The following TGM5 variants were observed in gnomAD, a reference collection of about 807,000 sequenced individuals.
TGM5 encodes the protein protein-glutamine gamma-glutamyltransferase 5.
In TGM5, 69 loss-of-function variants were observed where a neutral mutation model predicts 77.2. The observed-to-expected ratio is 0.89, with a 90% CI of 0.74 to 1.09. The LOEUF (loss-of-function observed/expected upper bound fraction) is 1.09, where lower values mean the gene tolerates loss of function less well. Among genes scored for constraint, TGM5 ranks in the 50% least tolerant of loss-of-function variants. The probability of loss-of-function intolerance (pLI) is 0.00; values close to 1 mark genes in which losing one functional copy is unlikely to be tolerated. For synonymous variants in TGM5, 346 were observed against 351.8 expected (o/e 0.98, Z 0.18); for missense variants, 842 against 896.5 (o/e 0.94, Z 0.78).
chr15:43,252,937 C>G lies in TGM5; in HGVS notation c.685-1G>C. 1.9e-6 allele frequency: 3 copies of G among 1,612,860 alleles called. No homozygotes were observed. Among genetic ancestry groups the G allele is most frequent in the Non-Finnish European group, 2.5e-6 (3 of 1,179,996 alleles). ...CCCCATTATCATCATTGCTGTTGAT[C>G]TGAAGAGAAGCCATATAGAGAAGTG... On this transcript the variant is annotated splice_acceptor_variant, in intron 5 of 12. Coordinates refer to ENST00000220420, the MANE Select transcript of TGM5 (RefSeq NM_201631.4). LOFTEE classifies it high-confidence loss of function.
intron 6 of TGM5, among the ~76,000 whole-genome samples, chr15:43,249,863 T>C (rs550124924): frequency 2.6e-5 from 4 of 152,328 alleles, no homozygotes; most frequent in South Asian, 4.1e-4. Flanking sequence ...TTGAAGTCAA[T>C]GTGTCAACGT....
intron 3 of TGM5, 130 bp downstream of exon 3, chr15:43,259,922 G>A (rs1000685347): frequency 1.9e-5 from 25 of 1,294,916 alleles, no homozygotes; most frequent in South Asian, 8.5e-5. Context: ...TAGTTGGGGC[G>A]GATGCTGAGT....
In TGM5 at chr15:43,233,221, G is replaced by A; in HGVS notation, c.2133C>T (p.Tyr711=). The change falls in exon 13 of 13, where the codon TAC becomes TAT. Residue 711 remains tyrosine, a synonymous_variant. Transcript: ENST00000220420. ...RSNKFKDIKG[Y]RNVYVDFAL is the part of the protein sequence containing the mutation. ...ATGCAAAGTCTACATAAACATTCCTGTAACCCTTAATGTCCTTAAACTTGT... is the reference window on the plus strand; with the variant it reads ...ATGCAAAGTCTACATAAACATTCCTATAACCCTTAATGTCCTTAAACTTGT... 6.2e-7 allele frequency: 1 copy of A among 1,614,180 alleles called. No homozygotes were observed. The highest frequency in any genetic ancestry group is 8.5e-7 in the Non-Finnish European group (1 of 1,180,036).
intron 10 of TGM5, 69 bp from the exon 11 acceptor site, chr15:43,234,998 GTC>G: frequency 1.3e-6 from 2 of 1,575,060 alleles, no homozygotes; most frequent in Non-Finnish European, 1.7e-6. Flanking sequence ...TTGGACCTGG[GTC>G]TCTCTTCCAC....
Position 43,252,804 on chromosome 15 carries a change from C to T in TGM5, c.817G>A (p.Val273Met), listed in dbSNP as rs141299025. ...AAGACCCAGCATTGCCCGTAGCGCA[C>T]GGGCTGGCAGCCTGTGGCGTTCCAC... ...KQWNATGCQPVRYGQCWVFAA... is the reference protein window; with the variant it reads ...KQWNATGCQPMRYGQCWVFAA... The change falls in exon 6 of 13, where the codon GTG (valine) becomes ATG (methionine). Residue 273 changes from valine (V) to methionine (M), a missense_variant. This residue lies in a region of TGM5 where 815 missense variants were observed against 844.6 expected (regional missense o/e 0.96). Coordinates refer to ENST00000220420, the MANE Select transcript of TGM5 (RefSeq NM_201631.4). The T allele has an allele frequency of 1.2e-4, 200 of 1,613,934 alleles. No homozygotes were observed. The highest frequency in any genetic ancestry group is 2.7e-4 in the Admixed American group (16 of 60,010).
intron 6 of TGM5, among the ~76,000 whole-genome samples, chr15:43,251,504 C>A (rs1315819588): frequency 6.6e-6 from 1 of 152,230 alleles, no homozygotes; most frequent in Non-Finnish European, 1.5e-5. Context: ...CAATAAACAC[C>A]AAGCTATGGG....
chr15:43,242,268 G>T (rs866447948), intron 6 of TGM5, among the ~76,000 whole-genome samples: 1 of 152,164 alleles, frequency 6.6e-6, no homozygotes, highest in East Asian at 1.9e-4. Flanking sequence ...TCCAGCTTTT[G>T]GTAGTATGCA....
chr15:43,265,707 G>A (rs1343705818), intron 1 of TGM5, among the ~76,000 whole-genome samples: 1 of 152,224 alleles, frequency 6.6e-6, no homozygotes, highest in Admixed American at 6.5e-5. Flanking sequence ...TTATCCTAGA[G>A]AGACACTCCC....
In TGM5 at chr15:43,235,657, AG is replaced by A; in HGVS notation, c.1525del (p.Leu509Ter). The A allele has an allele frequency of 6.2e-7, 1 of 1,614,196 alleles. No individual in the cohort carries two copies. Among genetic ancestry groups the A allele is most frequent in the Non-Finnish European group, 8.5e-7 (1 of 1,180,040 alleles). ...GGGCGGGTCGAGCAGCTTGAATTTC[AG>A]GGAGACTTGCACCACATCACTGGGT... The part of the protein sequence containing the change: ...LRPSDVVQVS[L>X]KFKLLDPPNM... On this transcript the variant is annotated frameshift_variant, in exon 10 of 13. Coordinates refer to ENST00000220420, the MANE Select transcript of TGM5 (RefSeq NM_201631.4). LOFTEE classifies it high-confidence loss of function.
Position 43,252,893 on chromosome 15 carries a change from C to T in TGM5, c.728G>A (p.Ser243Asn). The T allele has an allele frequency of 6.2e-7, 1 of 1,613,888 alleles. No homozygotes were observed. The highest frequency in any genetic ancestry group is 8.5e-7 in the Non-Finnish European group (1 of 1,180,038). The change falls in exon 6 of 13, where the codon AGT becomes AAT. Residue 243 changes from serine to asparagine, a missense_variant. This residue lies in a region of TGM5 where 815 missense variants were observed against 844.6 expected (regional missense o/e 0.96). Transcript: ENST00000220420. Reference protein sequence around the residue: ...DDNGVLNGNWSENYTDGANPA... With the variant: ...DDNGVLNGNWNENYTDGANPA... ...GTTGGCGCCGTCTGTGTAATTCTCACTCCAGTTTCCATTGAGCACCCCATT... is the reference window on the plus strand; with the variant it reads ...GTTGGCGCCGTCTGTGTAATTCTCATTCCAGTTTCCATTGAGCACCCCATT...
Position 43,252,942 on chromosome 15 carries a change from G to A in TGM5, c.685-6C>T, listed in dbSNP as rs774979664. On this transcript the variant is annotated splice_region_variant and splice_polypyrimidine_tract_variant and intron_variant, in intron 5 of 12. Transcript: ENST00000220420. ...TTATCATCATTGCTGTTGATCTGAA[G>A]AGAAGCCATATAGAGAAGTGTTAGA... 4.3e-6 allele frequency: 7 copies of A among 1,612,558 alleles called. 1 individual carries two copies. In the South Asian group the frequency reaches 4.4e-5, roughly 10 times the overall value.
At chr15:43,236,968 CA>C (rs1015479664) in intron 9 of TGM5, among the ~76,000 whole-genome samples, 1,217 of 61,274 alleles carry the variant, frequency 0.02, 7 homozygotes, top group Middle Eastern at 0.055. Flanking sequence ...GACTCTGTCT[CA>C]AAAAAAAAAA....
Position 43,240,953 on chromosome 15 carries a change from G to T in TGM5, c.900C>A (p.Thr300=). The T allele has an allele frequency of 6.2e-7, 1 of 1,614,126 alleles. No homozygotes were observed. Among genetic ancestry groups the T allele is most frequent in the Non-Finnish European group, 8.5e-7 (1 of 1,180,026 alleles). ...RCLGIPTRVI[T]NFDSGHDTDG... ...CTGTATCGTGGCCAGAGTCGAAGTT[G>T]GTGATCACACGGGTAGGGATCCCCA... Residue 300 remains threonine, a synonymous_variant, in exon 7 of 13, where the codon ACC becomes ACA. Transcript: ENST00000220420.
In TGM5 at chr15:43,233,617, T is replaced by G. The variant is rs1323954467; in HGVS notation, c.1946A>C (p.Gln649Pro). The G allele has an allele frequency of 6.2e-7, 1 of 1,614,110 alleles. No individual in the cohort carries two copies. Among genetic ancestry groups the G allele is most frequent in the Non-Finnish European group, 8.5e-7 (1 of 1,180,038 alleles). Residue 649 changes from glutamine to proline, a missense_variant, in exon 12 of 13, where the codon CAG (glutamine) becomes CCG (proline). By Grantham distance (76) the Gln-to-Pro change is moderately conservative. This residue lies in a region of TGM5 where 815 missense variants were observed against 844.6 expected (regional missense o/e 0.96). Coordinates refer to ENST00000220420, the MANE Select transcript of TGM5 (RefSeq NM_201631.4). ...CACAGTCAGCACACAGTCCTCAACC[T>G]GCTCCGAGAGGGGGTTTGAAAATAT... ...QVIFSNPLSE[Q>P]VEDCVLTVEG...
chr15:43,260,232 T>C lies in TGM5; in HGVS notation c.256A>G (p.Ser86Gly). 6.2e-7 allele frequency: 1 copy of C among 1,613,974 alleles called. No individual in the cohort carries two copies. ...GTCTCCAGCCAGGCAATCCAGGGGCTGGGGCTGTGATGGCGTGCCAGGCTG... is the reference window on the plus strand; with the variant it reads ...GTCTCCAGCCAGGCAATCCAGGGGCCGGGGCTGTGATGGCGTGCCAGGCTG... ...VFSLARHHSP[S>G]PWIAWLETNG... The change falls in exon 3 of 13, where the codon AGC (serine) becomes GGC (glycine). Residue 86 changes from serine to glycine, a missense_variant. By Grantham distance (56) the Ser-to-Gly change is moderately conservative. Transcript: ENST00000220420.
At chr15:43,252,999 G>A (rs1416638646) in intron 5 of TGM5, 63 bp from the exon 6 acceptor site, 1 of 1,572,934 alleles carries the variant, frequency 6.4e-7, no homozygotes, top group East Asian at 2.2e-5. Context: ...CCATGTGTGG[G>A]CTGCCTTGGA....
At chr15:43,247,635 A>G (rs1236415297) in intron 6 of TGM5, 1 of 136,846 alleles carries the variant, frequency 7.3e-6, no homozygotes, top group Non-Finnish European at 1.7e-5. Flanking sequence ...AATGGAAGGT[A>G]AAAAAAAAAA....
chr15:43,251,368 T>C (rs1263247263), intron 6 of TGM5, among the ~76,000 whole-genome samples: 6 of 152,032 alleles, frequency 3.9e-5, no homozygotes, highest in African/African-American at 1.4e-4. Flanking sequence ...TGCCTGGGGC[T>C]CTCTGAGCTT....
At chr15:43,253,019 G>A in intron 5 of TGM5, 83 bp from the exon 6 acceptor site, 10 of 1,467,644 alleles carry the variant, frequency 6.8e-6, no homozygotes, top group South Asian at 1.1e-5. Flanking sequence ...AAGACCCATG[G>A]GCCTGAGAAA....
Sources: gnomAD v4.1 joint callset for allele counts (sites outside exome capture counted in the v4.1 genomes callset) on GRCh38, gnomAD v4.1.1 for gene constraint, gnomAD v4.1.1 regional missense constraint, MANE v1.5 for transcripts, NCBI Gene and HGNC (gene_info 2026-07-23, HGNC 2026-07-21) for gene names.